The following CARMIL1 variants were observed in gnomAD, a reference collection of about 807,000 sequenced individuals.
CARMIL1 encodes capping protein regulator and myosin 1 linker 1, also known as F-actin-uncapping protein LRRC16A.
CARMIL1 carries 90 observed loss-of-function variants against 177.1 expected under a neutral mutation model. The ratio of observed to expected loss-of-function variants is 0.51; its 90% confidence interval spans 0.43 to 0.61. The LOEUF is 0.61. Among genes scored for constraint, CARMIL1 ranks in the 20% least tolerant of loss-of-function variants. The pLI is 0.00. For synonymous variants in CARMIL1, 577 were observed against 606.2 expected, an observed-to-expected ratio of 0.95 and a Z score of 0.71; for missense variants, 1,380 against 1,667.0, an observed-to-expected ratio of 0.83 and a Z score of 3.00.
intron 33 of CARMIL1, among the ~76,000 whole-genome samples, chr6:25,601,756 A>G (rs900455905): frequency 2.0e-5 from 3 of 152,204 alleles, no homozygotes; most frequent in Admixed American, 1.3e-4. Context: ...AACATTATTT[A>G]TTCTTCAAAT....
intron 20 of CARMIL1, among the ~76,000 whole-genome samples, chr6:25,514,273 GCGGTGGTTCACGCCTGT>G (rs1805740397): frequency 1.3e-5 from 2 of 152,164 alleles, no homozygotes; most frequent in Non-Finnish European, 2.9e-5. Context: ...AAGGCCTGGT[GCGGTGGTTCACGCCTGT>G]AATCCTAGCA....
intron 2 of CARMIL1, among the ~76,000 whole-genome samples, chr6:25,320,077 G>A (rs979448433): frequency 2.6e-5 from 4 of 152,144 alleles, no homozygotes; most frequent in African/African-American, 9.7e-5. Flanking sequence ...AAAATATGCT[G>A]GAGTATGGTG....
At chr6:25,618,868 A>C (rs890247276) in intron 36 of CARMIL1, among the ~76,000 whole-genome samples, 1 of 151,114 alleles carries the variant, frequency 6.6e-6, no homozygotes, top group African/African-American at 2.5e-5. Context: ...TAGACTTTAA[A>C]GTATTTATTT....
intron 14 of CARMIL1, 66 bp downstream of exon 14, chr6:25,491,875 A>C (rs1582134747): frequency 6.5e-7 from 1 of 1,535,520 alleles, no homozygotes; most frequent in Non-Finnish European, 9.0e-7. Context: ...GATGGGATGT[A>C]GGGGACCTCT....
chr6:25,561,030 A>T (rs1157878276), intron 29 of CARMIL1, among the ~76,000 whole-genome samples: 1 of 152,132 alleles, frequency 6.6e-6, no homozygotes, highest in Non-Finnish European at 1.5e-5. Context: ...TAGTTTTCCT[A>T]TATGCTTCTT....
rs199573991 is a variant in CARMIL1 at position 25,364,572 on chromosome 6, C to CTTTTTTTTTTTTTT, written c.139-55534_139-55533insTTTTTTTTTTTTTT. On this transcript the variant is annotated intron_variant, in intron 2 of 36. Coordinates refer to ENST00000329474, the MANE Select transcript of CARMIL1 (RefSeq NM_017640.6). ...ATATGGATTCTTTTTTCTTTTTCTT[C>CTTTTTTTTTTTTTT]TTTTTTTTGAGACAGAGTTTCTGTC... Among the ~76,000 whole-genome samples, 396 of 150,486 alleles carry CTTTTTTTTTTTTTT rather than the reference C, an allele frequency of 2.6e-3. 5 individuals are homozygous for CTTTTTTTTTTTTTT. Among genetic ancestry groups the CTTTTTTTTTTTTTT allele is most frequent in the African/African-American group, 8.7e-3 (357 of 40,904 alleles).
chr6:25,527,824 A>G (rs1807310303), intron 23 of CARMIL1: 3 of 260,352 alleles, frequency 1.2e-5, no homozygotes, highest in Non-Finnish European at 2.3e-5. Context: ...TCATTTTAGC[A>G]TATGGAAAAT....
chr6:25,356,093 C>T (rs899170261), intron 2 of CARMIL1, among the ~76,000 whole-genome samples: 1 of 150,280 alleles, frequency 6.7e-6, no homozygotes, highest in Non-Finnish European at 1.5e-5. Context: ...CTCTGTCGCC[C>T]AGGCCGGACT....
At chr6:25,327,943 A>C (rs1050577161) in intron 2 of CARMIL1, among the ~76,000 whole-genome samples, 1 of 152,214 alleles carries the variant, frequency 6.6e-6, no homozygotes, top group Non-Finnish European at 1.5e-5. Context: ...GTCATAAGCT[A>C]TAGAACATTG....
At chr6:25,500,090 T>TA in intron 16 of CARMIL1, 76 bp from the exon 17 acceptor site, 1 of 1,290,888 alleles carries the variant, frequency 7.7e-7, no homozygotes, top group Non-Finnish European at 1.1e-6. Flanking sequence ...CTCTAGGCTT[T>TA]ATTCAGTGTG....
chr6:25,501,633 TG>T (rs1804342771), intron 17 of CARMIL1, among the ~76,000 whole-genome samples: 1 of 152,192 alleles, frequency 6.6e-6, no homozygotes, highest in Admixed American at 6.5e-5. Context: ...TAGCACTTAA[TG>T]ATAATAGCAT....
rs1261341293 is a variant in CARMIL1, at chr6:25,570,880, T to C, written c.2743-10044T>C. ...ATTGCAGCTTTCTCAGAGTTATAACTTCCCTATACCTTTTCTTCCTAGGCT... is the reference window on the plus strand; with the variant it reads ...ATTGCAGCTTTCTCAGAGTTATAACCTCCCTATACCTTTTCTTCCTAGGCT... On this transcript the variant is annotated intron_variant, in intron 29 of 36. Transcript: ENST00000329474. Among the ~76,000 whole-genome samples, 6 of 152,224 alleles carry C rather than the reference T, an allele frequency of 3.9e-5. No individual in the cohort carries two copies. The East Asian group carries it at 1.2e-3, about 29-fold the overall frequency.
intron 2 of CARMIL1, among the ~76,000 whole-genome samples, chr6:25,400,976 A>G (rs907840166): frequency 1.6e-4 from 24 of 146,084 alleles, no homozygotes; most frequent in African/African-American, 5.4e-4. Context: ...AAGCAAAAGA[A>G]TATATTTTTA....
intron 2 of CARMIL1, among the ~76,000 whole-genome samples, chr6:25,378,375 G>A (rs1172875320): frequency 6.6e-6 from 1 of 152,166 alleles, no homozygotes; most frequent in African/African-American, 2.4e-5. Context: ...GCACCCCTGT[G>A]CTCTCTTATG....
intron 2 of CARMIL1, among the ~76,000 whole-genome samples, chr6:25,344,586 A>G (rs746161220): frequency 3.5e-4 from 53 of 152,142 alleles, no homozygotes; most frequent in Non-Finnish European, 6.5e-4. Flanking sequence ...TGGCAGTCTC[A>G]TTGTGTTTCC....
At chr6:25,469,678 C>G (rs1487143349) in intron 9 of CARMIL1, among the ~76,000 whole-genome samples, 1 of 152,082 alleles carries the variant, frequency 6.6e-6, no homozygotes, top group Non-Finnish European at 1.5e-5. Flanking sequence ...CCACCTTACC[C>G]TCCTGAGTAG....
rs2151252162 is a variant in CARMIL1 at position 25,581,273 on chromosome 6, A to C, written c.2840A>C (p.Glu947Ala). The part of the protein sequence containing the change: ...EMEFDLDKAL[E>A]EVPIHIEDPP... ...GAGTTTGATCTAGATAAAGCGCTGG[A>C]AGAGGTACCAATTCACATCGAAGAC... The change falls in exon 31 of 37, where the codon GAA becomes GCA. Residue 947 changes from glutamate (E) to alanine (A), a missense_variant. Glu to Ala is a moderately radical substitution (Grantham distance 107, BLOSUM62 -1). Coordinates refer to ENST00000329474, the MANE Select transcript of CARMIL1 (RefSeq NM_017640.6). 2.5e-6 allele frequency: 4 copies of C among 1,613,862 alleles called. No individual in the cohort carries two copies. Among genetic ancestry groups the C allele is most frequent in the Non-Finnish European group, 3.4e-6 (4 of 1,179,868 alleles).
chr6:25,510,823 T>A, intron 20 of CARMIL1, 61 bp downstream of exon 20: 1 of 957,010 alleles, frequency 1.0e-6, no homozygotes, highest in Non-Finnish European at 1.6e-6. Flanking sequence ...TTACTGATTA[T>A]TTCTACTGGA....
rs188296883 is a variant in CARMIL1, at chr6:25,462,783, G to A, written c.615-3090G>A. Among the ~76,000 whole-genome samples the A allele has an allele frequency of 3.0e-4, 46 of 152,174 alleles. No homozygotes were observed. The East Asian group carries it at 4.4e-3, about 15-fold the overall frequency. ...ATTTTCCCTATTCAGCAAGTCTCTC[G>A]TCTTTCGTTGTATTACAGATAGTTG... On this transcript the variant is annotated intron_variant, in intron 8 of 36. Coordinates refer to ENST00000329474, the MANE Select transcript of CARMIL1 (RefSeq NM_017640.6).
Sources: allele counts gnomAD v4.1 joint callset (sites outside exome capture counted in the v4.1 genomes callset), GRCh38; gene constraint gnomAD v4.1.1; transcripts MANE v1.5; gene names NCBI Gene and HGNC (gene_info 2026-07-23, HGNC 2026-07-21).